Variants in DMGDH observed in about 807,000 individuals in gnomAD.
DMGDH encodes dimethylglycine dehydrogenase, also known as dimethylglycine dehydrogenase, mitochondrial.
A neutral mutation model predicts 95.2 loss-of-function variants in DMGDH; 76 were observed. The observed-to-expected ratio is 0.80, with a 90% CI of 0.66 to 0.97. The LOEUF (loss-of-function observed/expected upper bound fraction) is 0.97. DMGDH is among the 50% of genes least tolerant of loss of function. The pLI, the probability that DMGDH is intolerant of heterozygous loss-of-function variation, is 0.00. For missense variants in DMGDH, 987 were observed against 1,055.0 expected, an observed-to-expected ratio of 0.94 and a Z score of 0.89; for synonymous variants, 345 against 377.6, an observed-to-expected ratio of 0.91 and a Z score of 1.00.
chr5:79,060,962 C>T (rs1239843343), intron 2 of DMGDH, among the ~76,000 whole-genome samples: 4 of 151,482 alleles, frequency 2.6e-5, no homozygotes, highest in Non-Finnish European at 4.4e-5. Flanking sequence ...TGGCTCAAGC[C>T]TATAATCCCA....
intron 7 of DMGDH, among the ~76,000 whole-genome samples, chr5:79,038,828 C>T (rs890199878): frequency 2.0e-5 from 3 of 152,018 alleles, no homozygotes; most frequent in Non-Finnish European, 4.4e-5. Flanking sequence ...GGCTAATATC[C>T]AGAATCTACA....
chr5:79,006,871 T>C (rs370683406), intron 14 of DMGDH, among the ~76,000 whole-genome samples: 2 of 151,652 alleles, frequency 1.3e-5, no homozygotes, highest in African/African-American at 4.8e-5. Context: ...CCTTTCCTAG[T>C]TTAGAACCTC....
chr5:79,010,905 T>C (rs1300737870), intron 14 of DMGDH, among the ~76,000 whole-genome samples: 1 of 152,150 alleles, frequency 6.6e-6, no homozygotes, highest in Non-Finnish European at 1.5e-5. Flanking sequence ...GAAATCCAGA[T>C]GACAGGCTGT....
intron 5 of DMGDH, among the ~76,000 whole-genome samples, chr5:79,049,388 A>G (rs1381993451): frequency 6.6e-6 from 1 of 152,256 alleles, no homozygotes; most frequent in African/African-American, 2.4e-5. Flanking sequence ...CAAAATGTCA[A>G]TCAGGAATGT....
rs1439501461 is a variant in DMGDH at position 79,028,580 on chromosome 5, C to G, written c.1885G>C (p.Val629Leu). 5 of 1,614,020 alleles carry G rather than the reference C, an allele frequency of 3.1e-6. No homozygotes were observed. The Admixed American group carries it at 5.0e-5, about 16-fold the overall frequency. The change falls in exon 12 of 16, where the codon GTT becomes CTT. Residue 629 changes from valine (V) to leucine (L), a missense_variant. Coordinates refer to ENST00000255189, the MANE Select transcript of DMGDH (RefSeq NM_013391.3). ...GCCTGTGGCCCAGCAACTCCAAGAA[C>G]TCCAAGCTCATCAGTTATGTTTTTA... ...EIKNITDELG[V>L]LGVAGPQARK... is the part of the protein sequence containing the mutation.
chr5:79,069,642 G>T lies in DMGDH; in HGVS notation c.-22C>A. The T allele has an allele frequency of 1.5e-6, 2 of 1,340,372 alleles. No individual in the cohort carries two copies. Among genetic ancestry groups the T allele is most frequent in the Non-Finnish European group, 1.9e-6 (2 of 1,047,040 alleles). 83.0% of individuals were successfully genotyped at this position (1,340,372 alleles called of 1,614,324 possible). A position where few individuals can be genotyped will look rare whatever the true frequency, so the allele number is the denominator to read the frequency against. ...GCATGACTAGGCCGAGGCCGAGGGC[G>T]CAGGCGCCTGCTCCGAGGCCAGCGG... On this transcript the variant is annotated 5_prime_UTR_variant, in exon 1 of 16. Transcript: ENST00000255189.
At chr5:79,063,445 A>G (rs1051529716) in intron 2 of DMGDH, among the ~76,000 whole-genome samples, 168 bp downstream of exon 2, 1 of 152,198 alleles carries the variant, frequency 6.6e-6, no homozygotes, top group African/African-American at 2.4e-5. Context: ...CATCATAAAT[A>G]TTGGTTGTCA....
chr5:79,032,761 C>T lies in DMGDH; in HGVS notation c.1443G>A (p.Lys481=). 1.2e-6 allele frequency: 2 copies of T among 1,614,180 alleles called. No individual in the cohort carries two copies. Among genetic ancestry groups the T allele is most frequent in the Non-Finnish European group, 1.7e-6 (2 of 1,180,026 alleles). The change falls in exon 9 of 16, where the codon AAG becomes AAA. Residue 481 remains lysine, a synonymous_variant. Coordinates refer to ENST00000255189, the MANE Select transcript of DMGDH (RefSeq NM_013391.3). The stretch of plus-strand genomic sequence containing the variant: ...AGCCAGCATGGAACCCCATGGAACA[C>T]TTAGACTCCAGCCTTTGATAGAGCC... ...VSGLYQRLES[K]CSMGFHAGWE... is the part of the protein sequence containing the mutation.
chr5:79,000,543 A>C (rs1753435753), intron 15 of DMGDH: 1 of 587,798 alleles, frequency 1.7e-6, no homozygotes. Flanking sequence ...TTTCTCTTTG[A>C]TTTTCACTGA....
intron 14 of DMGDH, among the ~76,000 whole-genome samples, chr5:79,006,288 C>T (rs537237942): frequency 3.1e-4 from 47 of 151,748 alleles, no homozygotes; most frequent in African/African-American, 9.4e-4. Context: ...CCTTAATACA[C>T]CTTACCTGTG....
intron 14 of DMGDH, among the ~76,000 whole-genome samples, chr5:79,023,671 G>A (rs1035028151): frequency 2.0e-5 from 3 of 152,208 alleles, no homozygotes; most frequent in African/African-American, 7.2e-5. Context: ...CACTGATGTA[G>A]GAGTTCCCTT....
intron 7 of DMGDH, among the ~76,000 whole-genome samples, chr5:79,034,850 G>A (rs1002521051): frequency 6.6e-6 from 1 of 151,974 alleles, no homozygotes; most frequent in Non-Finnish European, 1.5e-5. Flanking sequence ...GAGGTCAGGA[G>A]ATCGAGACCA....
In DMGDH at chr5:79,042,384, G is replaced by T. The variant is rs780410917; in HGVS notation, c.1092C>A (p.Ile364=). ...TGATAGGACCATTGACAACATTGATGATGTCAGCCTTTTTCAAGACAGGAA... is the reference window on the plus strand; with the variant it reads ...TGATAGGACCATTGACAACATTGATTATGTCAGCCTTTTTCAAGACAGGAA... The part of the protein sequence containing the change: ...EMVPVLKKAD[I]INVVNGPITY... The change falls in exon 7 of 16, where the codon ATC becomes ATA. Residue 364 remains isoleucine, a synonymous_variant. Transcript: ENST00000255189. The T allele has an allele frequency of 6.2e-7, 1 of 1,614,200 alleles. No homozygotes were observed. The highest frequency in any genetic ancestry group is 8.5e-7 in the Non-Finnish European group (1 of 1,180,030).
intron 15 of DMGDH, among the ~76,000 whole-genome samples, chr5:78,999,826 C>T (rs1276293286): frequency 6.6e-6 from 1 of 150,946 alleles, no homozygotes; most frequent in African/African-American, 2.4e-5. Flanking sequence ...GTGATACAGG[C>T]AGGGATTAGG....
rs546772967 is a variant in DMGDH, at chr5:79,052,004, G to A, written c.541-513C>T. On this transcript the variant is annotated intron_variant, in intron 4 of 15. Coordinates refer to ENST00000255189, the MANE Select transcript of DMGDH (RefSeq NM_013391.3). ...GGTCTCATCTATTCAACAAAAATTGGCTGAGCACCAAATACAAGCAAGGAG... is the reference window on the plus strand; with the variant it reads ...GGTCTCATCTATTCAACAAAAATTGACTGAGCACCAAATACAAGCAAGGAG... Among the ~76,000 whole-genome samples the A allele has an allele frequency of 1.1e-4, 16 of 152,272 alleles. No individual in the cohort carries two copies. In the South Asian group the frequency reaches 3.3e-3, roughly 32 times the overall value.
At chr5:79,036,916 T>C (rs926346707) in intron 7 of DMGDH, among the ~76,000 whole-genome samples, 1 of 151,996 alleles carries the variant, frequency 6.6e-6, no homozygotes, top group Non-Finnish European at 1.5e-5. Flanking sequence ...TCTAAATACT[T>C]TGGGAAGTAC....
Position 79,051,487 on chromosome 5 carries a change from A to G in DMGDH, c.545T>C (p.Leu182Ser). 1.2e-6 allele frequency: 2 copies of G among 1,614,010 alleles called. No individual in the cohort carries two copies. The stretch of plus-strand genomic sequence containing the variant: ...ATCTCCAGGATTATACAATCCAGCT[A>G]AAACCTAAATCAATCATACCAGAGT... ...MFPLLNMNKV[L>S]AGLYNPGDGH... is the part of the protein sequence containing the mutation. The change falls in exon 5 of 16, where the codon TTA becomes TCA. Residue 182 changes from leucine to serine, a missense_variant. By Grantham distance (145) the Leu-to-Ser change is moderately radical. Coordinates refer to ENST00000255189, the MANE Select transcript of DMGDH (RefSeq NM_013391.3).
Position 79,030,000 on chromosome 5 carries a change from G to A in DMGDH, c.1718C>T (p.Pro573Leu), listed in dbSNP as rs1453004012. The change falls in exon 11 of 16, where the codon CCC becomes CTC. Residue 573 changes from proline (P) to leucine (L), a missense_variant. By Grantham distance (98) the Pro-to-Leu change is moderately conservative (BLOSUM62 -3). Coordinates refer to ENST00000255189, the MANE Select transcript of DMGDH (RefSeq NM_013391.3). The part of the protein sequence containing the change: ...GFTNISHMLT[P>L]KGRVYAELTV... ...CAGCTCAGCATACACTCGACCCTTG[G>A]GTGTTAACATGTGACTTATATTTGT... is the stretch of plus-strand genomic sequence containing the variant. The A allele has an allele frequency of 3.1e-6, 5 of 1,613,688 alleles. No homozygotes were observed. The South Asian group carries it at 5.5e-5, about 18-fold the overall frequency.
intron 15 of DMGDH, chr5:79,000,897 T>G (rs1247098878): frequency 7.6e-6 from 5 of 662,002 alleles, no homozygotes; most frequent in Non-Finnish European, 1.4e-5. Context: ...TTTAAGCCAA[T>G]GAGCATTCAA....
Sources: gnomAD v4.1 joint callset for allele counts (sites outside exome capture counted in the v4.1 genomes callset) on GRCh38, gnomAD v4.1.1 for gene constraint, MANE v1.5 for transcripts, NCBI Gene and HGNC (gene_info 2026-07-23, HGNC 2026-07-21) for gene names.